The following HOOK1 variants were observed in gnomAD, a reference collection of about 807,000 sequenced individuals.
HOOK1 encodes protein Hook homolog 1.
In HOOK1, 60 loss-of-function variants were observed where a neutral mutation model predicts 112.8. The observed-to-expected ratio is 0.53, with a 90% CI of 0.43 to 0.66. The LOEUF (loss-of-function observed/expected upper bound fraction) is 0.66, where lower values mean the gene tolerates loss of function less well. Among genes scored for constraint, HOOK1 ranks in the 30% least tolerant of loss-of-function variants. The pLI is 0.00. For missense variants in HOOK1, 770 were observed against 856.0 expected (o/e 0.90, Z 1.25); for synonymous variants, 294 against 283.8 (o/e 1.04, Z -0.36).
intron 15 of HOOK1, among the ~76,000 whole-genome samples, chr1:59,862,016 GT>G (rs2098413896): frequency 6.6e-6 from 1 of 152,038 alleles, no homozygotes; most frequent in Non-Finnish European, 1.5e-5. Flanking sequence ...TTCAATACCA[GT>G]TGTTAACACT....
chr1:59,833,700 A>G lies in HOOK1; in HGVS notation c.406+163A>G, dbSNP rs547895157. ...CCCAACTCTGTCGTTGAAAAGTGGC[A>G]TACCTTGAGTGTCCTATTTGTACCT... On this transcript the variant is annotated intron_variant, in intron 5 of 21. Coordinates refer to ENST00000371208, the MANE Select transcript of HOOK1 (RefSeq NM_015888.6). Among the ~76,000 whole-genome samples the G allele has an allele frequency of 5.9e-5, 9 of 152,330 alleles. No homozygotes were observed. In the East Asian group the frequency reaches 7.7e-4, roughly 13 times the overall value.
At chr1:59,856,582 C>A (rs183254291) in intron 12 of HOOK1, among the ~76,000 whole-genome samples, 1 of 151,500 alleles carries the variant, frequency 6.6e-6, no homozygotes, top group Non-Finnish European at 1.5e-5. Flanking sequence ...GGAAATCAGA[C>A]TTTTTCCATT....
chr1:59,836,775 A>C (rs1345308922), intron 6 of HOOK1, 98 bp from the exon 7 acceptor site: 1 of 679,624 alleles, frequency 1.5e-6, no homozygotes, highest in Admixed American at 2.9e-5. Flanking sequence ...GGCAAGGAAA[A>C]GCTAAATATA....
intron 11 of HOOK1, 64 bp downstream of exon 11, chr1:59,848,580 A>T: frequency 8.7e-7 from 1 of 1,143,836 alleles, no homozygotes; most frequent in Non-Finnish European, 1.3e-6. Context: ...ATTCCTTTTG[A>T]TGTCTTAAGA....
chr1:59,839,998 A>G (rs2098400169), intron 7 of HOOK1, among the ~76,000 whole-genome samples: 1 of 152,144 alleles, frequency 6.6e-6, no homozygotes, highest in Admixed American at 6.6e-5. Context: ...ACATTTATTG[A>G]TTTGTGTATG....
intron 9 of HOOK1, among the ~76,000 whole-genome samples, chr1:59,845,268 C>A (rs759633518): frequency 1.8e-4 from 27 of 152,008 alleles, no homozygotes; most frequent in Non-Finnish European, 3.4e-4. Context: ...CAAACGGCCC[C>A]ACCTCTTAAT....
At chr1:59,864,704 G>A (rs779331839) in intron 17 of HOOK1, 38 bp downstream of exon 17, 1 of 1,294,730 alleles carries the variant, frequency 7.7e-7, no homozygotes. Context: ...ATATGAGAAG[G>A]GAGGGGTTGT....
intron 5 of HOOK1, 53 bp from the exon 6 acceptor site, chr1:59,835,292 G>A (rs1448394144): frequency 1.1e-6 from 1 of 928,002 alleles, no homozygotes; most frequent in Non-Finnish European, 1.8e-6. Flanking sequence ...GATGGCTAAG[G>A]TACTATGTGT....
rs117817650 is a variant in HOOK1, at chr1:59,857,196, A to G, written c.1243-1232A>G. ...TAGGAAGCTGCAAGACAGGTTAAACAGTGACAATTCTCTGTGGATGGGGCT... is the reference window on the plus strand; with the variant it reads ...TAGGAAGCTGCAAGACAGGTTAAACGGTGACAATTCTCTGTGGATGGGGCT... On this transcript the variant is annotated intron_variant, in intron 12 of 21. Coordinates refer to ENST00000371208, the MANE Select transcript of HOOK1 (RefSeq NM_015888.6). Among the ~76,000 whole-genome samples, 94 of 152,314 alleles carry G rather than the reference A, an allele frequency of 6.2e-4. 3 individuals are homozygous for G. In the East Asian group the frequency reaches 0.016, roughly 26 times the overall value.
intron 1 of HOOK1, among the ~76,000 whole-genome samples, chr1:59,819,940 C>G (rs2098384341): frequency 6.6e-6 from 1 of 152,218 alleles, no homozygotes; most frequent in Non-Finnish European, 1.5e-5. Flanking sequence ...CAATATTATG[C>G]TGATTCCCTC....
chr1:59,854,036 A>C (rs11207524), intron 12 of HOOK1, among the ~76,000 whole-genome samples: 1 of 11,404 alleles, frequency 8.8e-5, no homozygotes, highest in Non-Finnish European at 1.4e-4. Flanking sequence ...ATATATATAT[A>C]TATTTTTTTT....
At chr1:59,868,600 C>G (rs1473854997) in intron 20 of HOOK1, among the ~76,000 whole-genome samples, 4 of 152,214 alleles carry the variant, frequency 2.6e-5, no homozygotes, top group Non-Finnish European at 4.4e-5. Context: ...CATTATATGG[C>G]TATCCCTGAC....
rs147451976 is a variant in HOOK1 at position 59,862,864 on chromosome 1, C to G, written c.1613C>G (p.Ser538Cys). The G allele has an allele frequency of 6.3e-7, 1 of 1,599,240 alleles. No homozygotes were observed. Residue 538 changes from serine to cysteine, a missense_variant, in exon 16 of 22, where the codon TCT becomes TGT. Ser to Cys is a moderately radical substitution (Grantham distance 112). Transcript: ENST00000371208. ...QKSLQEQGSK[S>C]EGESSSKLKQ... ...TCTTTACAGGAACAAGGTTCCAAGT[C>G]TGAAGGCGAAAGTGTAAGTAACTTA...
rs1230638951 is a variant in HOOK1 at position 59,872,932 on chromosome 1, C to G, written c.2154C>G (p.Leu718=). The change falls in exon 22 of 22, where the codon CTC becomes CTG. Residue 718 remains leucine, a synonymous_variant. Transcript: ENST00000371208. The part of the protein sequence containing the change: ...QRHITNTRRN[L]SVKVPATTSD ...ACATCACCAACACCAGAAGAAATCT[C>G]TCTGTTAAAGTCCCTGCTACAACAT... The G allele has an allele frequency of 6.6e-7, 1 of 1,519,026 alleles. No individual in the cohort carries two copies. Among genetic ancestry groups the G allele is most frequent in the Non-Finnish European group, 8.9e-7 (1 of 1,125,032 alleles). 94.1% of individuals were successfully genotyped at this position (1,519,026 alleles called of 1,614,324 possible).
At chr1:59,853,482 T>G (rs978202867) in intron 12 of HOOK1, among the ~76,000 whole-genome samples, 2 of 152,118 alleles carry the variant, frequency 1.3e-5, no homozygotes, top group Non-Finnish European at 2.9e-5. Context: ...ATTTGTGTCT[T>G]TTATACTAAG....
At chr1:59,835,517 A>T (rs2102023913) in intron 6 of HOOK1, 105 bp downstream of exon 6, 2 of 700,140 alleles carry the variant, frequency 2.9e-6, no homozygotes, top group East Asian at 5.4e-5. Context: ...CTTTGTTGTA[A>T]GTTTACTTCC....
intron 7 of HOOK1, among the ~76,000 whole-genome samples, chr1:59,837,458 C>G (rs2098398496): frequency 6.6e-6 from 1 of 152,088 alleles, no homozygotes; most frequent in Non-Finnish European, 1.5e-5. Context: ...TTAAACACTT[C>G]TTCTTTTATG....
chr1:59,858,428 A>G lies in HOOK1; in HGVS notation c.1243A>G (p.Arg415Gly), dbSNP rs371692470. The G allele has an allele frequency of 3.7e-6, 6 of 1,600,938 alleles. No individual in the cohort carries two copies. The highest frequency in any genetic ancestry group is 4.5e-5 in the East Asian group (2 of 44,828). ...KHEALLKEKE[R>G]LIEQRDTLKE... ...TGCTGATATCAACAATTCTTTTCAG[A>G]GACTAATTGAGCAGCGTGATACTTT... is the stretch of plus-strand genomic sequence containing the variant. Residue 415 changes from arginine (R) to glycine (G), a missense_variant and splice_region_variant, in exon 13 of 22, where the codon AGA (arginine) becomes GGA (glycine). By Grantham distance (125) the Arg-to-Gly change is moderately radical. Coordinates refer to ENST00000371208, the MANE Select transcript of HOOK1 (RefSeq NM_015888.6).
At chr1:59,871,337 T>G (rs1471640084) in intron 21 of HOOK1, among the ~76,000 whole-genome samples, 1 of 152,238 alleles carries the variant, frequency 6.6e-6, no homozygotes, top group Non-Finnish European at 1.5e-5. Context: ...TTGTGACTCA[T>G]CAGCCTTTAG....
Sources: allele counts gnomAD v4.1 joint callset (sites outside exome capture counted in the v4.1 genomes callset), GRCh38; gene constraint gnomAD v4.1.1; transcripts MANE v1.5; gene names NCBI Gene and HGNC (gene_info 2026-07-23, HGNC 2026-07-21).